Variants in HSPA12A observed in about 807,000 individuals in gnomAD.
The protein encoded by HSPA12A is heat shock protein family A (Hsp70) member 12A.
Under a neutral mutation model 69.2 loss-of-function variants are expected in HSPA12A, and 28 were observed. That is an observed-to-expected ratio of 0.40 (90% CI 0.30 to 0.55). HSPA12A has a LOEUF of 0.55. Ranked by LOEUF, HSPA12A falls within the 20% of genes least tolerant of loss-of-function variation. The pLI is 0.38. For synonymous variants in HSPA12A, 345 were observed against 370.5 expected, an observed-to-expected ratio of 0.93 and a Z score of 0.79; for missense variants, 686 against 900.7, an observed-to-expected ratio of 0.76 and a Z score of 3.05.
intron 9 of HSPA12A, among the ~76,000 whole-genome samples, chr10:116,680,777 A>G (rs539863043): frequency 1.2e-4 from 19 of 152,280 alleles, no homozygotes; most frequent in African/African-American, 4.6e-4. Context: ...GAGCCACCGC[A>G]CTTGGCCAAT....
chr10:116,832,800 T>C (rs1323066414), intron 2 of HSPA12A: 1 of 152,214 alleles, frequency 6.6e-6, no homozygotes, highest in Admixed American at 6.5e-5. Context: ...TTCACTGCTA[T>C]TGAGCACCTG....
chr10:116,740,455 C>T (rs534596451), intron 1 of HSPA12A, among the ~76,000 whole-genome samples: 1 of 152,292 alleles, frequency 6.6e-6, no homozygotes, highest in Admixed American at 6.5e-5. Context: ...AGGGACAGCC[C>T]GCTCTTCAGG....
chr10:116,682,384 A>T (rs1288938590), intron 7 of HSPA12A, among the ~76,000 whole-genome samples: 1 of 151,010 alleles, frequency 6.6e-6, no homozygotes, highest in African/African-American at 2.4e-5. Flanking sequence ...AACAATTCCA[A>T]ATCAAGGAAT....
intron 1 of HSPA12A, among the ~76,000 whole-genome samples, chr10:116,709,932 A>G (rs1226606211): frequency 6.6e-6 from 1 of 152,228 alleles, no homozygotes; most frequent in Non-Finnish European, 1.5e-5. Flanking sequence ...GCTATTTCTG[A>G]TTTCTATTAG....
intron 2 of HSPA12A, among the ~76,000 whole-genome samples, chr10:116,802,331 T>C (rs1844975668): frequency 6.6e-6 from 1 of 152,202 alleles, no homozygotes; most frequent in African/African-American, 2.4e-5. Flanking sequence ...GGTGATGCAC[T>C]GCTAAGCACA....
intron 2 of HSPA12A, among the ~76,000 whole-genome samples, chr10:116,782,336 G>C (rs533162556): frequency 2.6e-5 from 4 of 152,218 alleles, no homozygotes; most frequent in African/African-American, 9.6e-5. Context: ...CTGAAGATAC[G>C]TGAGCTTTGA....
At chr10:116,755,807 A>C (rs75307859) in intron 2 of HSPA12A, among the ~76,000 whole-genome samples, 2 of 2,342 alleles carry the variant, frequency 8.5e-4, no homozygotes, top group Non-Finnish European at 3.1e-3. Context: ...ATCTCTACCA[A>C]AAAAAAAAAA....
At chr10:116,806,099 C>T (rs1218283702) in intron 2 of HSPA12A, among the ~76,000 whole-genome samples, 1 of 152,174 alleles carries the variant, frequency 6.6e-6, no homozygotes. Flanking sequence ...ACAAGTGTGT[C>T]ATGGGCCAGA....
intron 2 of HSPA12A, among the ~76,000 whole-genome samples, chr10:116,761,182 T>C (rs1843962407): frequency 6.6e-6 from 1 of 152,088 alleles, no homozygotes; most frequent in South Asian, 2.1e-4. Flanking sequence ...AAACTCTGTC[T>C]CTACTAAAAA....
chr10:116,740,612 T>A (rs1345931173), intron 1 of HSPA12A, among the ~76,000 whole-genome samples: 3 of 151,120 alleles, frequency 2.0e-5, no homozygotes, highest in African/African-American at 7.3e-5. Context: ...GGTGTCCCCA[T>A]CCTGGACAGG....
chr10:116,835,099 G>T, intron 1 of HSPA12A: 1 of 928,836 alleles, frequency 1.1e-6, no homozygotes, highest in Non-Finnish European at 1.4e-6. Context: ...GCGTACTCGT[G>T]CTGGTTGACG....
intron 2 of HSPA12A, chr10:116,831,136 A>G (rs985701789): frequency 6.6e-6 from 1 of 152,208 alleles, no homozygotes; most frequent in Non-Finnish European, 1.5e-5. Flanking sequence ...CTTAAATGAT[A>G]TAACAAGTGA....
intron 1 of HSPA12A, among the ~76,000 whole-genome samples, chr10:116,712,165 A>G (rs12771069): frequency 0.23 from 35,665 of 152,172 alleles, 4,837 homozygotes; most frequent in Middle Eastern, 0.41. Context: ...AGATAATTTA[A>G]CATCACTTCA....
chr10:116,821,584 G>A (rs998413800), intron 2 of HSPA12A, among the ~76,000 whole-genome samples: 2 of 152,176 alleles, frequency 1.3e-5, no homozygotes, highest in African/African-American at 4.8e-5. Flanking sequence ...CATTAGAATG[G>A]AAGCCCCATG....
chr10:116,726,025 A>ACG lies in HSPA12A; in HGVS notation c.40+16403_40+16404dup, dbSNP rs574451167. 1.3e-3 allele frequency among the ~76,000 whole-genome samples: 85 copies of ACG among 67,916 alleles called. No individual in the cohort carries two copies. In the South Asian group the frequency reaches 0.013, roughly 11 times the overall value. 44.6% of individuals were successfully genotyped at this position (67,916 alleles called of 152,430 possible). A position where few individuals can be genotyped will look rare whatever the true frequency, so the allele number is the denominator to read the frequency against. ...ATACAAGGTTTAGACACACACACAC[A>ACG]CGCACACACACACACACACACACAC... On this transcript the variant is annotated intron_variant, in intron 1 of 11. Transcript: ENST00000369209.
chr10:116,681,022 C>A, intron 9 of HSPA12A, 130 bp downstream of exon 9: 1 of 642,468 alleles, frequency 1.6e-6, no homozygotes, highest in Non-Finnish European at 2.8e-6. Context: ...CATTAGTATC[C>A]TCCACCGCCT....
rs139472851 is a variant in HSPA12A at position 116,760,866 on chromosome 10, G to A, written c.92-53581C>T. Among the ~76,000 whole-genome samples the A allele has an allele frequency of 2.6e-3, 391 of 152,168 alleles. 2 individuals are homozygous for A. The highest frequency in any genetic ancestry group is 4.2e-3 in the Non-Finnish European group (286 of 68,018). On this transcript the variant is annotated intron_variant, in intron 2 of 12. Coordinates refer to the HSPA12A transcript ENST00000635765. ...TATTAAAGTATAAGTGTAGGCAGTCGTCCCCTCTCCCTGCTTTTTCTTGGT... is the reference window on the plus strand; with the variant it reads ...TATTAAAGTATAAGTGTAGGCAGTCATCCCCTCTCCCTGCTTTTTCTTGGT...
intron 2 of HSPA12A, among the ~76,000 whole-genome samples, chr10:116,812,402 G>A (rs989178262): frequency 1.3e-5 from 2 of 151,970 alleles, no homozygotes; most frequent in South Asian, 2.1e-4. Flanking sequence ...GCAGCGAGTC[G>A]AAATTGCAGC....
intron 3 of HSPA12A, among the ~76,000 whole-genome samples, chr10:116,702,208 C>T (rs570710855): frequency 6.6e-6 from 1 of 152,140 alleles, no homozygotes; most frequent in Non-Finnish European, 1.5e-5. Flanking sequence ...ATTCGCTCAC[C>T]TTTGGGGCCA....
Sources: allele counts gnomAD v4.1 joint callset (sites outside exome capture counted in the v4.1 genomes callset), GRCh38; gene constraint gnomAD v4.1.1; transcripts MANE v1.5; gene names NCBI Gene and HGNC (gene_info 2026-07-23, HGNC 2026-07-21).